Variants in TLK1 observed in about 807,000 individuals in gnomAD.
The protein encoded by TLK1 is serine/threonine-protein kinase tousled-like 1.
TLK1 carries 24 observed loss-of-function variants against 105.3 expected under a neutral mutation model. The observed-to-expected ratio is 0.23, with a 90% CI of 0.17 to 0.32. The LOEUF (loss-of-function observed/expected upper bound fraction) is 0.32. Ranked by LOEUF, TLK1 falls within the 10% of genes least tolerant of loss-of-function variation. The pLI is 1.00. For missense variants in TLK1, 558 were observed against 910.5 expected, an observed-to-expected ratio of 0.61 and a Z score of 4.98; for synonymous variants, 321 against 310.4, an observed-to-expected ratio of 1.03 and a Z score of -0.36.
At chr2:171,100,439 C>G (rs1689639086) in intron 2 of TLK1, among the ~76,000 whole-genome samples, 1 of 152,100 alleles carries the variant, frequency 6.6e-6, no homozygotes, top group Admixed American at 6.6e-5. Flanking sequence ...TGTTATAAAG[C>G]AAGGTTCCCC....
At chr2:171,148,009 G>A (rs1280950608) in intron 1 of TLK1, among the ~76,000 whole-genome samples, 2 of 151,888 alleles carry the variant, frequency 1.3e-5, no homozygotes, top group African/African-American at 2.4e-5. Context: ...TCCTGCCTCA[G>A]CCTCCCGAGT....
At chr2:171,179,084 C>A (rs1025782070) in intron 1 of TLK1, among the ~76,000 whole-genome samples, 1 of 152,078 alleles carries the variant, frequency 6.6e-6, no homozygotes, top group African/African-American at 2.4e-5. Flanking sequence ...CCAGAATGGA[C>A]CTTATATTCC....
chr2:171,134,716 C>A (rs1691234190), intron 1 of TLK1, among the ~76,000 whole-genome samples: 1 of 141,560 alleles, frequency 7.1e-6, no homozygotes, highest in Non-Finnish European at 1.5e-5. Flanking sequence ...CAATGTAATA[C>A]TATTTGGCCT....
In TLK1 at chr2:171,049,931, G is replaced by A. The variant is rs1230926139; in HGVS notation, c.863C>T (p.Ser288Leu). ...ATCTTGCATACTCTTCTCTCTGCTT[G>A]ACAGCTTTTCTTGTGTACTCTGAAA... ...LIEKSTQEKL[S>L]SREKSMQDRL... Residue 288 changes from serine (S) to leucine (L), a missense_variant, in exon 10 of 21, where the codon TCA (serine) becomes TTA (leucine). Ser to Leu is a moderately radical substitution (Grantham distance 145, BLOSUM62 -2). This residue lies in a region of TLK1 where 196 missense variants were observed against 239.3 expected (regional missense o/e 0.82). Transcript: ENST00000431350. The A allele has an allele frequency of 1.2e-6, 2 of 1,612,532 alleles. No individual in the cohort carries two copies. The highest frequency in any genetic ancestry group is 1.7e-6 in the Non-Finnish European group (2 of 1,179,480).
chr2:171,113,686 G>A (rs939283548), intron 2 of TLK1, among the ~76,000 whole-genome samples: 33 of 152,286 alleles, frequency 2.2e-4, no homozygotes, highest in African/African-American at 7.9e-4. Context: ...AAGAAGCACT[G>A]TGGAGAAAAC....
chr2:171,104,148 C>T (rs1315763987), intron 2 of TLK1, among the ~76,000 whole-genome samples: 2 of 151,656 alleles, frequency 1.3e-5, no homozygotes, highest in Non-Finnish European at 2.9e-5. Flanking sequence ...TGGTGGTGGG[C>T]GCCTGTAATC....
intron 11 of TLK1, 56 bp downstream of exon 11, chr2:171,046,118 C>A: frequency 1.4e-6 from 2 of 1,385,426 alleles, no homozygotes; most frequent in Non-Finnish European, 1.9e-6. Context: ...CCATTAGTAA[C>A]ATTCACGCTC....
intron 1 of TLK1, among the ~76,000 whole-genome samples, chr2:171,212,561 A>C (rs1364153576): frequency 1.3e-5 from 2 of 152,176 alleles, no homozygotes; most frequent in Non-Finnish European, 2.9e-5. Flanking sequence ...AGGAGATAGA[A>C]GACTTCAGTT....
At chr2:171,128,648 T>A (rs186117697) in intron 1 of TLK1, among the ~76,000 whole-genome samples, 5 of 152,250 alleles carry the variant, frequency 3.3e-5, no homozygotes, top group Admixed American at 3.3e-4. Flanking sequence ...TATGCTAATA[T>A]AGTAGTAACA....
At chr2:171,123,060 A>ACACC (rs1460365911) in intron 1 of TLK1, among the ~76,000 whole-genome samples, 1 of 144,030 alleles carries the variant, frequency 6.9e-6, no homozygotes, top group Non-Finnish European at 1.5e-5. Context: ...AAATAAATAC[A>ACACC]CACACACACA....
chr2:171,058,034 C>T (rs1018316575), intron 5 of TLK1, 117 bp downstream of exon 5: 2 of 964,716 alleles, frequency 2.1e-6, no homozygotes, highest in African/African-American at 1.6e-5. Flanking sequence ...AGTAATAAAG[C>T]TCTGCTCTAA....
intron 12 of TLK1, among the ~76,000 whole-genome samples, chr2:171,019,738 T>G (rs1286905690): frequency 6.6e-6 from 1 of 152,134 alleles, no homozygotes; most frequent in East Asian, 1.9e-4. Flanking sequence ...CAACACTACT[T>G]GATTAAGAAA....
intron 1 of TLK1, among the ~76,000 whole-genome samples, chr2:171,213,886 C>A (rs1156937998): frequency 6.7e-6 from 1 of 149,064 alleles, no homozygotes; most frequent in Non-Finnish European, 1.5e-5. Context: ...CCATGCCCAG[C>A]AATTTAAAAA....
At chr2:171,052,238 G>A (rs1394911582) in intron 8 of TLK1, among the ~76,000 whole-genome samples, 2 of 152,090 alleles carry the variant, frequency 1.3e-5, no homozygotes, top group Non-Finnish European at 2.9e-5. Context: ...TAGCCTGGGC[G>A]ACACAGTGAG....
At chr2:171,176,019 C>A (rs1388110611) in intron 1 of TLK1, among the ~76,000 whole-genome samples, 1 of 152,100 alleles carries the variant, frequency 6.6e-6, no homozygotes, top group Non-Finnish European at 1.5e-5. Flanking sequence ...TCACTGCAAC[C>A]TCCACCTCCT....
At chr2:171,211,827 C>T (rs1382788244) in intron 1 of TLK1, among the ~76,000 whole-genome samples, 1 of 150,378 alleles carries the variant, frequency 6.6e-6, no homozygotes, top group Non-Finnish European at 1.5e-5. Flanking sequence ...GGATTACAGG[C>T]GTGAGCCACT....
chr2:171,061,177 G>A, intron 3 of TLK1, 21 bp from the exon 4 acceptor site: 5 of 1,609,864 alleles, frequency 3.1e-6, no homozygotes, highest in Non-Finnish European at 4.2e-6. Flanking sequence ...CAAGATAACA[G>A]ATTTTTAAAT....
At chr2:171,089,738 G>T (rs1307571714) in intron 2 of TLK1, among the ~76,000 whole-genome samples, 1 of 152,126 alleles carries the variant, frequency 6.6e-6, no homozygotes, top group Non-Finnish European at 1.5e-5. Context: ...GCAGTGGCAT[G>T]ATCATAGCTC....
chr2:171,117,388 C>T (rs1454365873), intron 2 of TLK1, among the ~76,000 whole-genome samples: 6 of 151,990 alleles, frequency 3.9e-5, no homozygotes, highest in Admixed American at 3.3e-4. Flanking sequence ...GACTCCTGGC[C>T]TAAAAGATAT....
Sources: gnomAD v4.1 joint callset for allele counts (sites outside exome capture counted in the v4.1 genomes callset) on GRCh38, gnomAD v4.1.1 for gene constraint, gnomAD v4.1.1 regional missense constraint, MANE v1.5 for transcripts, NCBI Gene and HGNC (gene_info 2026-07-23, HGNC 2026-07-21) for gene names.